LRRC24: variants seen among roughly 807,000 people sequenced by gnomAD.
LRRC24 encodes leucine rich repeat containing 24.
A neutral mutation model predicts 15.3 loss-of-function variants in LRRC24; 19 were observed. That is an observed-to-expected ratio of 1.25 (90% CI 0.87 to 1.83). LRRC24 has a LOEUF of 1.83. Among genes scored for constraint, LRRC24 ranks in the 40% most tolerant of loss-of-function variants. LRRC24 has a pLI of 0.00. For synonymous variants in LRRC24, 469 were observed against 359.6 expected (o/e 1.30, Z -3.44); for missense variants, 914 against 723.9 (o/e 1.26, Z -3.01).
rs1564823429 is a variant in LRRC24 at position 144,522,657 on chromosome 8, A to AG, written c.1359dup (p.Cys454LeufsTer37). The AG allele has an allele frequency of 4.4e-6, 7 of 1,591,960 alleles. No homozygotes were observed. Among genetic ancestry groups the AG allele is most frequent in the Non-Finnish European group, 5.1e-6 (6 of 1,170,822 alleles). On this transcript the variant is annotated frameshift_variant, in exon 5 of 5. Transcript: ENST00000529415. LOFTEE classifies it low-confidence loss of function (END_TRUNC). ...AGCTCCTCTAGCTGTGCGAACGTAC[A>AG]GGGGCCGTCCAAGTAGTCGTTGACG...
At chr8:144,525,332 G>A (rs993321520) in intron 1 of LRRC24, among the ~76,000 whole-genome samples, 3 of 152,238 alleles carry the variant, frequency 2.0e-5, no homozygotes, top group Admixed American at 6.5e-5. Flanking sequence ...TTCCTGCTCA[G>A]GACGTGGATG....
At chr8:144,524,393 G>A in intron 3 of LRRC24, 48 bp downstream of exon 3, 1 of 1,594,016 alleles carries the variant, frequency 6.3e-7, no homozygotes, top group East Asian at 2.2e-5. Flanking sequence ...CCTACAGGGC[G>A]AGGGGCCATA....
intron 1 of LRRC24, 153 bp downstream of exon 1, chr8:144,526,807 T>A (rs763622754): frequency 5.3e-5 from 8 of 152,248 alleles, no homozygotes; most frequent in Non-Finnish European, 8.8e-5. Context: ...CCGGTTGATT[T>A]TCGGCCGGGC....
rs1197186788 is a variant in LRRC24, at chr8:144,523,265, G to A, written c.752C>T (p.Ser251Phe). Reference sequence around the variant, plus strand: ...CGGAATGCAGATGAGGCTGCTGTGGGATACGTCCAGGAGACTCTGGAGCGC... The same window carrying A: ...CGGAATGCAGATGAGGCTGCTGTGGAATACGTCCAGGAGACTCTGGAGCGC... ...RLALQSLLDV[S>F]HSSLICIPPS... is the part of the protein sequence containing the mutation. Residue 251 changes from serine (S) to phenylalanine (F), a missense_variant, in exon 5 of 5, where the codon TCC becomes TTC. Physicochemically the swap from Ser to Phe is radical, Grantham distance 155. Transcript: ENST00000529415. 1.2e-6 allele frequency: 2 copies of A among 1,610,850 alleles called. No individual in the cohort carries two copies. Among genetic ancestry groups the A allele is most frequent in the Non-Finnish European group, 1.7e-6 (2 of 1,179,142 alleles).
chr8:144,524,761 G>T (rs1816295680), intron 2 of LRRC24, 42 bp from the exon 3 acceptor site: 1 of 1,433,828 alleles, frequency 7.0e-7, no homozygotes, highest in Non-Finnish European at 9.1e-7. Context: ...CCGTTGCGGG[G>T]GTCTTCCTCT....
In LRRC24 at chr8:144,522,609, T is replaced by A; in HGVS notation, c.1408A>T (p.Met470Leu). The change falls in exon 5 of 5, where the codon ATG (methionine) becomes TTG (leucine). Residue 470 changes from methionine to leucine, a missense_variant. Coordinates refer to ENST00000529415, the MANE Select transcript of LRRC24 (RefSeq NM_001024678.4). Reference protein sequence around the residue: ...EELRDERGHEMFVINRSKPLF... With the variant: ...EELRDERGHELFVINRSKPLF... ...GGCTTGGAGCGGTTGATGACGAACA[T>A]CTCGTGGCCGCGCTCGTCGCGGAGC... 1 of 1,570,618 alleles carries A rather than the reference T, an allele frequency of 6.4e-7. No homozygotes were observed. The highest frequency in any genetic ancestry group is 8.6e-7 in the Non-Finnish European group (1 of 1,160,876).
Position 144,524,661 on chromosome 8 carries a change from A to G in LRRC24, c.218T>C (p.Leu73Pro), listed in dbSNP as rs1045223025. Residue 73 changes from leucine to proline, a missense_variant, in exon 3 of 5, where the codon CTC (leucine) becomes CCC (proline). Leu to Pro is a moderately conservative substitution (Grantham distance 98). Coordinates refer to ENST00000529415, the MANE Select transcript of LRRC24 (RefSeq NM_001024678.4). ...ARLEPGALAP[L>P]AALRRLYLHN... ...CAGGTAGAGCCGGCGCAGAGCGGCGAGTGGCGCCAGGGCTCCCGGCTCTAG... is the reference window on the plus strand; with the variant it reads ...CAGGTAGAGCCGGCGCAGAGCGGCGGGTGGCGCCAGGGCTCCCGGCTCTAG... 2.7e-6 allele frequency: 4 copies of G among 1,494,584 alleles called. No homozygotes were observed. In the Admixed American group the frequency reaches 9.8e-5, roughly 36 times the overall value. 92.6% of individuals were successfully genotyped at this position (1,494,584 alleles called of 1,614,324 possible).
rs267601828 is a variant in LRRC24, at chr8:144,522,636, C to G, written c.1381G>C (p.Glu461Gln). The G allele has an allele frequency of 1.9e-6, 3 of 1,583,304 alleles. No individual in the cohort carries two copies. Among genetic ancestry groups the G allele is most frequent in the East Asian group, 2.4e-5 (1 of 41,710 alleles). ...DGPCTFAQLE[E>Q]LRDERGHEMF... ...TCGTGGCCGCGCTCGTCGCGGAGCT[C>G]CTCTAGCTGTGCGAACGTACAGGGG... Residue 461 changes from glutamate (E) to glutamine (Q), a missense_variant, in exon 5 of 5, where the codon GAG (glutamate) becomes CAG (glutamine). Glu to Gln is a conservative substitution (Grantham distance 29). Coordinates refer to ENST00000529415, the MANE Select transcript of LRRC24 (RefSeq NM_001024678.4).
rs762429651 is a variant in LRRC24 at position 144,523,180 on chromosome 8, A to G, written c.837T>C (p.Val279=). The G allele has an allele frequency of 6.2e-7, 1 of 1,609,834 alleles. No individual in the cohort carries two copies. Among genetic ancestry groups the G allele is most frequent in the Non-Finnish European group, 8.5e-7 (1 of 1,178,870 alleles). ...GCGGGTAGCCGGAGGCTTGGCAGGCAACCCGCAGGTCCTCACCCAGGTTGG... is the reference window on the plus strand; with the variant it reads ...GCGGGTAGCCGGAGGCTTGGCAGGCGACCCGCAGGTCCTCACCCAGGTTGG... ...LTANLGEDLR[V]ACQASGYPQP... is the part of the protein sequence containing the mutation. Residue 279 remains valine, a synonymous_variant, in exon 5 of 5, where the codon GTT becomes GTC. Coordinates refer to ENST00000529415, the MANE Select transcript of LRRC24 (RefSeq NM_001024678.4).
In LRRC24 at chr8:144,524,100, G is replaced by A; in HGVS notation, c.607+10C>T. ...GGCCCAGACAGAGACGCTTTCCGAG[G>A]AAGAGGTACCTGTGAGGCGCAGGAC... On this transcript the variant is annotated intron_variant, in intron 4 of 4. Coordinates refer to ENST00000529415, the MANE Select transcript of LRRC24 (RefSeq NM_001024678.4). 6.3e-7 allele frequency: 1 copy of A among 1,592,846 alleles called. No homozygotes were observed. Among genetic ancestry groups the A allele is most frequent in the Non-Finnish European group, 8.6e-7 (1 of 1,165,150 alleles).
chr8:144,524,004 C>T, intron 4 of LRRC24, 106 bp downstream of exon 4: 3 of 1,353,260 alleles, frequency 2.2e-6, no homozygotes, highest in Non-Finnish European at 2.0e-6. Flanking sequence ...TGCAGCCTTC[C>T]AGACTGCTGC....
chr8:144,522,908 T>C lies in LRRC24; in HGVS notation c.1109A>G (p.Gln370Arg). 1.5e-6 allele frequency: 2 copies of C among 1,373,860 alleles called. No individual in the cohort carries two copies. Among genetic ancestry groups the C allele is most frequent in the East Asian group, 3.0e-5 (1 of 33,124 alleles). 85.1% of individuals were successfully genotyped at this position (1,373,860 alleles called of 1,614,324 possible). ...LLVNASRQQPQQPAQPPPPAA... is the reference protein window; with the variant it reads ...LLVNASRQQPRQPAQPPPPAA... ...CGGAGGCGGCGGTTGCGCGGGCTGC[T>C]GCGGCTGCTGCCGGGACGCGTTGAC... The change falls in exon 5 of 5, where the codon CAG becomes CGG. Residue 370 changes from glutamine (Q) to arginine (R), a missense_variant. Physicochemically the swap from Gln to Arg is conservative, Grantham distance 43. Coordinates refer to ENST00000529415, the MANE Select transcript of LRRC24 (RefSeq NM_001024678.4).
In LRRC24 at chr8:144,522,394, G is replaced by T. The variant is rs1816131284; in HGVS notation, c.*81C>A. The T allele has an allele frequency of 7.3e-7, 1 of 1,365,970 alleles. No homozygotes were observed. 84.6% of individuals were successfully genotyped at this position (1,365,970 alleles called of 1,614,324 possible). The stretch of plus-strand genomic sequence containing the variant: ...CACACGGCTCAGCGCACACTGCGCG[G>T]CTTCCACCTTTACTGACGGAGCATG... On this transcript the variant is annotated 3_prime_UTR_variant, in exon 5 of 5. Coordinates refer to ENST00000529415, the MANE Select transcript of LRRC24 (RefSeq NM_001024678.4).
At position 144,523,536 on chromosome 8, in the gene LRRC24, A is replaced by AG. The variant is rs142436931; in HGVS notation, c.608-128dup. On this transcript the variant is annotated intron_variant, in intron 4 of 4. Transcript: ENST00000529415. ...CCACAGCGTTTTCACACGGAGTCCA[A>AG]GGCCCTGCCACCCCTTCCTTGACCC... is the stretch of plus-strand genomic sequence containing the variant. The AG allele has an allele frequency of 0.023, 30,887 of 1,365,886 alleles. 4,401 individuals are homozygous for AG. The African/African-American group carries it at 0.35, about 16-fold the overall frequency. The allele number at this position is 1,365,886 out of a possible 1,614,324, so 84.6% of individuals were successfully genotyped here.
Position 144,522,445 on chromosome 8 carries a change from G to A in LRRC24, c.*30C>T. The A allele has an allele frequency of 2.2e-6, 3 of 1,390,230 alleles. No individual in the cohort carries two copies. Among genetic ancestry groups the A allele is most frequent in the East Asian group, 3.0e-5 (1 of 33,362 alleles). 86.1% of individuals were successfully genotyped at this position (1,390,230 alleles called of 1,614,324 possible). ...CGCGAGGCCGCACCGGCCAATCTCC[G>A]GCGCCCACGTCATCCGCGCGCCCGC... On this transcript the variant is annotated 3_prime_UTR_variant, in exon 5 of 5. Coordinates refer to ENST00000529415, the MANE Select transcript of LRRC24 (RefSeq NM_001024678.4).
chr8:144,522,601 G>T lies in LRRC24; in HGVS notation c.1416C>A (p.Val472=). 6.4e-7 allele frequency: 1 copy of T among 1,568,898 alleles called. No homozygotes were observed. Among genetic ancestry groups the T allele is most frequent in the Non-Finnish European group, 8.6e-7 (1 of 1,160,086 alleles). Residue 472 remains valine, a synonymous_variant, in exon 5 of 5, where the codon GTC becomes GTA. Coordinates refer to ENST00000529415, the MANE Select transcript of LRRC24 (RefSeq NM_001024678.4). Reference sequence around the variant, plus strand: ...CGAAGAGCGGCTTGGAGCGGTTGATGACGAACATCTCGTGGCCGCGCTCGT... The same window carrying T: ...CGAAGAGCGGCTTGGAGCGGTTGATTACGAACATCTCGTGGCCGCGCTCGT... The part of the protein sequence containing the change: ...LRDERGHEMF[V]INRSKPLFAE...
chr8:144,524,595 C>T lies in LRRC24; in HGVS notation c.284G>A (p.Arg95His), dbSNP rs972677578. 2 of 1,528,772 alleles carry T rather than the reference C, an allele frequency of 1.3e-6. No homozygotes were observed. The highest frequency in any genetic ancestry group is 2.1e-5 in the Admixed American group (1 of 47,716). 94.7% of individuals were successfully genotyped at this position (1,528,772 alleles called of 1,614,324 possible). A position where few individuals can be genotyped will look rare whatever the true frequency, so the allele number is the denominator to read the frequency against. Residue 95 changes from arginine to histidine, a missense_variant, in exon 3 of 5, where the codon CGC becomes CAC. Arg to His is a conservative substitution (Grantham distance 29, BLOSUM62 0). Transcript: ENST00000529415. The part of the protein sequence containing the change: ...SLRALEAGAF[R>H]AQPRLLELAL... The stretch of plus-strand genomic sequence containing the variant: ...CAGCTCCAGCAGGCGCGGCTGCGCG[C>T]GGAAGGCGCCGGCCTCCAGGGCGCG...
intron 4 of LRRC24, 152 bp downstream of exon 4, chr8:144,523,958 A>G: frequency 1.1e-6 from 1 of 876,002 alleles, no homozygotes; most frequent in Non-Finnish European, 1.8e-6. Context: ...CAGCACACCC[A>G]CTCCCGCAGC....
intron 4 of LRRC24, 86 bp downstream of exon 4, chr8:144,524,024 T>G: frequency 4.8e-6 from 7 of 1,473,086 alleles, no homozygotes; most frequent in Non-Finnish European, 6.4e-6. Context: ...CCCAGTTGCC[T>G]GATGTCAGAG....
Sources: gnomAD v4.1 joint callset for allele counts (sites outside exome capture counted in the v4.1 genomes callset) on GRCh38, gnomAD v4.1.1 for gene constraint, MANE v1.5 for transcripts, NCBI Gene and HGNC (gene_info 2026-07-23, HGNC 2026-07-21) for gene names.